Variants in GRM1 observed in about 807,000 individuals in gnomAD.
GRM1 encodes glutamate metabotropic receptor 1.
A neutral mutation model predicts 90.9 loss-of-function variants in GRM1; 33 were observed. That is an observed-to-expected ratio of 0.36 (90% CI 0.28 to 0.49). The LOEUF (loss-of-function observed/expected upper bound fraction) is 0.49. GRM1 is among the 20% of genes least tolerant of loss of function. GRM1 has a pLI of 0.99. For synonymous variants in GRM1, 700 were observed against 613.2 expected (o/e 1.14, Z -2.09); for missense variants, 1,190 against 1,534.3 (o/e 0.78, Z 3.75).
Position 146,414,601 on chromosome 6 carries a change from A to T in GRM1, c.2660+14902A>T, listed in dbSNP as rs187542593. ...GTATTTTTAGTAGAGACGGGGTTTC[A>T]CCCTGTTAGCCAGAATGGTCTTGAT... On this transcript the variant is annotated intron_variant, in intron 7 of 7. Transcript: ENST00000282753. Among the ~76,000 whole-genome samples, 945 of 152,030 alleles carry T rather than the reference A, an allele frequency of 6.2e-3. 5 individuals are homozygous for T. Among genetic ancestry groups the T allele is most frequent in the Non-Finnish European group, 9.8e-3 (669 of 67,946 alleles).
chr6:146,300,941 C>A (rs1289513530), intron 2 of GRM1, among the ~76,000 whole-genome samples: 1 of 152,140 alleles, frequency 6.6e-6, no homozygotes, highest in Non-Finnish European at 1.5e-5. Flanking sequence ...CCTAATGCAA[C>A]GAAACAGCAA....
chr6:146,323,625 G>T (rs1044786574), intron 3 of GRM1, among the ~76,000 whole-genome samples: 6 of 152,122 alleles, frequency 3.9e-5, no homozygotes, highest in East Asian at 1.9e-4. Context: ...TTTGTCTTTT[G>T]TTGCCATTGC....
intron 1 of GRM1, among the ~76,000 whole-genome samples, chr6:146,124,451 A>G (rs879456235): frequency 6.6e-6 from 1 of 152,124 alleles, no homozygotes; most frequent in Non-Finnish European, 1.5e-5. Context: ...ACATTATTCT[A>G]TTGACCATTT....
chr6:146,242,373 A>G (rs920721462), intron 2 of GRM1, among the ~76,000 whole-genome samples: 1 of 152,146 alleles, frequency 6.6e-6, no homozygotes, highest in Non-Finnish European at 1.5e-5. Flanking sequence ...CCTAAGTAAT[A>G]TAGGATTGAT....
At chr6:146,253,849 GA>G (rs1781385939) in intron 2 of GRM1, among the ~76,000 whole-genome samples, 1 of 152,078 alleles carries the variant, frequency 6.6e-6, no homozygotes, top group South Asian at 2.1e-4. Flanking sequence ...TTGTTCAGTA[GA>G]AAAGACATAA....
chr6:146,255,576 A>C (rs539311302), intron 2 of GRM1, among the ~76,000 whole-genome samples: 1 of 152,116 alleles, frequency 6.6e-6, no homozygotes, highest in African/African-American at 2.4e-5. Context: ...AAGGTGTATC[A>C]TTTCTCCTGT....
chr6:146,083,561 C>G (rs931762674), intron 1 of GRM1, among the ~76,000 whole-genome samples: 3 of 152,168 alleles, frequency 2.0e-5, no homozygotes, highest in African/African-American at 7.2e-5. Flanking sequence ...GTTGAACCAG[C>G]CTTGCATCCT....
intron 1 of GRM1, among the ~76,000 whole-genome samples, chr6:146,120,078 G>T (rs1282749969): frequency 6.6e-6 from 1 of 152,194 alleles, no homozygotes; most frequent in Non-Finnish European, 1.5e-5. Flanking sequence ...CATGAGCATG[G>T]AGTGTTCTTC....
chr6:146,226,513 A>AC (rs1780244659), intron 2 of GRM1, among the ~76,000 whole-genome samples: 2 of 152,152 alleles, frequency 1.3e-5, no homozygotes, highest in Non-Finnish European at 2.9e-5. Flanking sequence ...TGTTGCTTGC[A>AC]TATGAAACCA....
At chr6:146,304,517 C>T in intron 2 of GRM1, 94 bp from the exon 3 acceptor site, 1 of 906,632 alleles carries the variant, frequency 1.1e-6, no homozygotes, top group Non-Finnish European at 1.8e-6. Flanking sequence ...AGTCTGTAGC[C>T]TTTTCTGGAT....
chr6:146,432,505 T>C (rs1238831735), intron 7 of GRM1, among the ~76,000 whole-genome samples: 2 of 152,204 alleles, frequency 1.3e-5, no homozygotes, highest in Non-Finnish European at 2.9e-5. Flanking sequence ...CTACTGATCA[T>C]TTCCTACATT....
chr6:146,103,294 G>C (rs1013696466), intron 1 of GRM1, among the ~76,000 whole-genome samples: 1 of 152,184 alleles, frequency 6.6e-6, no homozygotes, highest in Non-Finnish European at 1.5e-5. Context: ...ACACCATGAT[G>C]TGTAGTTTGC....
intron 1 of GRM1, among the ~76,000 whole-genome samples, chr6:146,072,987 A>AGGCACC (rs1776064354): frequency 6.6e-6 from 1 of 152,170 alleles, no homozygotes; most frequent in African/African-American, 2.4e-5. Flanking sequence ...CCACCTGAAT[A>AGGCACC]TGTATACTCA....
intron 2 of GRM1, among the ~76,000 whole-genome samples, chr6:146,226,523 A>G (rs780453945): frequency 1.3e-5 from 2 of 152,264 alleles, no homozygotes; most frequent in South Asian, 2.1e-4. Flanking sequence ...ATATGAAACC[A>G]TCTGGAGTAA....
Position 146,251,535 on chromosome 6 carries a change from A to G in GRM1, c.951-53076A>G, listed in dbSNP as rs763666201. Among the ~76,000 whole-genome samples the G allele has an allele frequency of 5.3e-5, 8 of 152,340 alleles. No individual in the cohort carries two copies. In the East Asian group the frequency reaches 1.2e-3, roughly 22 times the overall value. The stretch of plus-strand genomic sequence containing the variant: ...GAAGTGAGGGGCAGCCTTGCTATAT[A>G]TATCTGGCAGGTCCTACTTGAAACT... On this transcript the variant is annotated intron_variant, in intron 2 of 7. Transcript: ENST00000282753.
At chr6:146,369,509 T>C (rs1045464185) in intron 5 of GRM1, among the ~76,000 whole-genome samples, 15 of 151,994 alleles carry the variant, frequency 9.9e-5, no homozygotes, top group African/African-American at 3.6e-4. Context: ...TAGGTTTTGG[T>C]ATCTTGTGTT....
intron 2 of GRM1, among the ~76,000 whole-genome samples, chr6:146,280,226 G>T (rs1031023946): frequency 1.3e-5 from 2 of 151,904 alleles, no homozygotes; most frequent in African/African-American, 2.4e-5. Context: ...ATGATCCCTG[G>T]TGGAAAGCTG....
intron 1 of GRM1, among the ~76,000 whole-genome samples, chr6:146,052,223 A>G (rs146509551): frequency 1.6e-3 from 247 of 152,158 alleles, no homozygotes; most frequent in African/African-American, 5.4e-3. Context: ...ACTTTCCTCA[A>G]TATTATATTT....
At chr6:146,072,179 C>T (rs1044840923) in intron 1 of GRM1, among the ~76,000 whole-genome samples, 5 of 152,166 alleles carry the variant, frequency 3.3e-5, no homozygotes, top group Admixed American at 2.0e-4. Context: ...TGTATCTATC[C>T]GCTGGACAAG....
Sources: gnomAD v4.1 joint callset for allele counts (sites outside exome capture counted in the v4.1 genomes callset) on GRCh38, gnomAD v4.1.1 for gene constraint, MANE v1.5 for transcripts, NCBI Gene and HGNC (gene_info 2026-07-23, HGNC 2026-07-21) for gene names.